NCSTN: variants seen among roughly 807,000 people sequenced by gnomAD.
NCSTN encodes anterior pharynx-defective 2.
A neutral mutation model predicts 87.0 loss-of-function variants in NCSTN; 22 were observed. The observed-to-expected ratio is 0.25, with a 90% CI of 0.18 to 0.36. The LOEUF (loss-of-function observed/expected upper bound fraction) is 0.36, where lower values mean the gene tolerates loss of function less well. NCSTN is among the 10% of genes least tolerant of loss of function. The pLI is 1.00. For synonymous variants in NCSTN, 306 were observed against 327.1 expected (o/e 0.94, Z 0.69); for missense variants, 693 against 883.3 (o/e 0.78, Z 2.73).
In NCSTN at chr1:160,356,631, C is replaced by A; in HGVS notation, c.1671C>A (p.Val557=). Residue 557 remains valine (V), a synonymous_variant, in exon 15 of 17, where the codon GTC becomes GTA. Coordinates refer to ENST00000294785, the MANE Select transcript of NCSTN (RefSeq NM_015331.3). ...GGCCTCTTCAACATTACATCGCTGT[C>A]TCCAGCCCCACCAACACCACTTATG... The part of the protein sequence containing the change: ...GDGPLQHYIA[V]SSPTNTTYVV... 6.2e-7 allele frequency: 1 copy of A among 1,614,232 alleles called. No individual in the cohort carries two copies. Among genetic ancestry groups the A allele is most frequent in the Non-Finnish European group, 8.5e-7 (1 of 1,180,040 alleles).
At chr1:160,349,346 T>C (rs775729393) in intron 3 of NCSTN, 30 of 662,180 alleles carry the variant, frequency 4.5e-5, no homozygotes, top group Non-Finnish European at 7.6e-5. Context: ...ATCCCTCCCC[T>C]CCCTCCCTGG....
rs1180821157 is a variant in NCSTN at position 160,351,384 on chromosome 1, C to T, written c.733+12C>T. 5 of 1,613,872 alleles carry T rather than the reference C, an allele frequency of 3.1e-6. No homozygotes were observed. Among genetic ancestry groups the T allele is most frequent in the Middle Eastern group, 1.7e-4 (1 of 6,040 alleles). ...CAGCATCAACCCAGGTAGGGCAGAT[C>T]CGAACCATGAGGGTAATGGAATAAG... On this transcript the variant is annotated intron_variant, in intron 6 of 16. Coordinates refer to ENST00000294785, the MANE Select transcript of NCSTN (RefSeq NM_015331.3).
intron 2 of NCSTN, chr1:160,345,039 T>A (rs1379899116): frequency 6.4e-6 from 4 of 622,404 alleles, no homozygotes; most frequent in Non-Finnish European, 1.2e-5. Context: ...GTGCATCTCA[T>A]ACAACCCCAA....
At chr1:160,344,460 G>A in intron 1 of NCSTN, 1 of 1,492,766 alleles carries the variant, frequency 6.7e-7, no homozygotes, top group Non-Finnish European at 8.9e-7. Context: ...CTTTGACCAA[G>A]TTTTCTCTCT....
At position 160,356,260 on chromosome 1, in the gene NCSTN, G is replaced by A. The variant is rs1281823612; in HGVS notation, c.1552G>A (p.Val518Ile). 3.1e-6 allele frequency: 5 copies of A among 1,609,336 alleles called. No homozygotes were observed. In the African/African-American group the frequency reaches 4.0e-5, roughly 13 times the overall value. ...TCTCTCTTTACTGTTCCAATCCTAG[G>A]TTACCCGCCTGCTCTATGGGTTCCT... ...SDTVQADPQT[V>I]TRLLYGFLIK... Residue 518 changes from valine (V) to isoleucine (I), a missense_variant and splice_region_variant, in exon 14 of 17, where the codon GTT (valine) becomes ATT (isoleucine). This residue lies in a region of NCSTN where 216 missense variants were observed against 311.7 expected (regional missense o/e 0.69). Coordinates refer to ENST00000294785, the MANE Select transcript of NCSTN (RefSeq NM_015331.3).
At chr1:160,346,578 C>A (rs1306826978) in intron 2 of NCSTN, among the ~76,000 whole-genome samples, 1 of 152,004 alleles carries the variant, frequency 6.6e-6, no homozygotes, top group African/African-American at 2.4e-5. Flanking sequence ...TTCCAAACAG[C>A]CCCAAATAAA....
intron 2 of NCSTN, among the ~76,000 whole-genome samples, chr1:160,347,835 C>T (rs1434464435): frequency 6.6e-6 from 1 of 152,230 alleles, no homozygotes; most frequent in Non-Finnish European, 1.5e-5. Context: ...GTCTCAAACT[C>T]CTGACCTCAA....
Position 160,344,747 on chromosome 1 carries a change from G to A in NCSTN, c.111G>A (p.Glu37=). 1 of 1,614,118 alleles carries A rather than the reference G, an allele frequency of 6.2e-7. No individual in the cohort carries two copies. The highest frequency in any genetic ancestry group is 8.5e-7 in the Non-Finnish European group (1 of 1,179,984). ...LAGLCRGNSV[E]RKIYIPLNKT... Reference sequence around the variant, plus strand: ...GTTTGTGCAGGGGAAACTCAGTGGAGAGGAAGATATATATCCCCTTAAATA... The same window carrying A: ...GTTTGTGCAGGGGAAACTCAGTGGAAAGGAAGATATATATCCCCTTAAATA... The change falls in exon 2 of 17, where the codon GAG becomes GAA. Residue 37 remains glutamate, a synonymous_variant. Transcript: ENST00000294785.
At chr1:160,353,378 A>C in intron 10 of NCSTN, 141 bp downstream of exon 10, 5 of 1,542,922 alleles carry the variant, frequency 3.2e-6, no homozygotes, top group Non-Finnish European at 3.5e-6. Flanking sequence ...CAAAGGATGA[A>C]CACCACAGCT....
intron 16 of NCSTN, 98 bp from the exon 17 acceptor site, chr1:160,358,051 C>G: frequency 6.6e-7 from 1 of 1,519,976 alleles, no homozygotes; most frequent in Non-Finnish European, 9.1e-7. Context: ...GAGCCAGCAT[C>G]CGAATTCCCA....
In NCSTN at chr1:160,343,457, C is replaced by G. The variant is rs199694056; in HGVS notation, c.61C>G (p.Leu21Val). ...DPGSRGLLRL[L>V]SFCVLLAGLC... ...GGGAAGTCGGGGTCTCCTTCGCCTT[C>G]TGTCTTTCTGCGTCCTACTAGCAGG... The change falls in exon 1 of 17, where the codon CTG becomes GTG. Residue 21 changes from leucine (L) to valine (V), a missense_variant. Physicochemically the swap from Leu to Val is conservative, Grantham distance 32 (BLOSUM62 1). Around this residue, in one of 4 missense-constraint regions of NCSTN, gnomAD observed 235 missense variants for 233.9 expected, o/e 1.00. Coordinates refer to ENST00000294785, the MANE Select transcript of NCSTN (RefSeq NM_015331.3). 6.2e-7 allele frequency: 1 copy of G among 1,611,066 alleles called. No homozygotes were observed. Among genetic ancestry groups the G allele is most frequent in the African/African-American group, 1.3e-5 (1 of 74,904 alleles).
At chr1:160,354,422 C>T in intron 11 of NCSTN, 132 bp downstream of exon 11, 1 of 1,003,332 alleles carries the variant, frequency 1.0e-6, no homozygotes, top group East Asian at 2.4e-5. Context: ...GTATTCTTTG[C>T]TCAGTGGCGT....
At position 160,349,545 on chromosome 1, in the gene NCSTN, C is replaced by T; in HGVS notation, c.315-4C>T. The T allele has an allele frequency of 6.2e-7, 1 of 1,614,128 alleles. No homozygotes were observed. The highest frequency in any genetic ancestry group is 8.5e-7 in the Non-Finnish European group (1 of 1,180,010). On this transcript the variant is annotated splice_polypyrimidine_tract_variant and splice_region_variant and intron_variant, in intron 3 of 16. Coordinates refer to ENST00000294785, the MANE Select transcript of NCSTN (RefSeq NM_015331.3). ...TCCTTCATGGAATTCCTTTCCTATT[C>T]CAGGGATTTAATGGAGAAGCTGAAA...
intron 15 of NCSTN, 39 bp downstream of exon 15, chr1:160,356,793 T>C (rs765091899): frequency 1.9e-6 from 3 of 1,612,404 alleles, no homozygotes; most frequent in East Asian, 4.5e-5. Context: ...CTGGGGCCCC[T>C]TTCCCTTGGG....
chr1:160,345,044 C>T (rs1446023126), intron 2 of NCSTN: 1 of 613,368 alleles, frequency 1.6e-6, no homozygotes, highest in Non-Finnish European at 2.9e-6. Flanking sequence ...TCTCATACAA[C>T]CCCAACCACA....
At position 160,358,280 on chromosome 1, in the gene NCSTN, C is replaced by T. The variant is rs201052803; in HGVS notation, c.*9C>T. On this transcript the variant is annotated 3_prime_UTR_variant, in exon 17 of 17. Transcript: ENST00000294785. ...GAGCTGTGTCATACTGAGGAGGACC[C>T]CAGCTTTTCTTGCCAGCTCAGCAGT... 68 of 1,613,920 alleles carry T rather than the reference C, an allele frequency of 4.2e-5. No homozygotes were observed. In the African/African-American group the frequency reaches 8.9e-4, roughly 21 times the overall value.
intron 3 of NCSTN, 108 bp from the exon 4 acceptor site, chr1:160,349,436 TAAGTC>T (rs767958473): frequency 7.1e-7 from 1 of 1,407,822 alleles, no homozygotes. Flanking sequence ...AGGGAAGAAA[TAAGTC>T]AACAGTTTGA....
intron 16 of NCSTN, 88 bp downstream of exon 16, chr1:160,357,341 T>C (rs1270174471): frequency 1.4e-5 from 19 of 1,328,468 alleles, no homozygotes; most frequent in Non-Finnish European, 1.9e-5. Context: ...CCATCTCCCA[T>C]TTGCCCCACA....
In NCSTN at chr1:160,357,099, C is replaced by G; in HGVS notation, c.1853C>G (p.Pro618Arg). ...PLHSNETDRL[P>R]RCVRSTARLA... The stretch of plus-strand genomic sequence containing the variant: ...CATTCTAATGAGACGGACCGACTCC[C>G]CCGGTGTGTGCGTTCTACTGCACGA... Residue 618 changes from proline (P) to arginine (R), a missense_variant, in exon 16 of 17, where the codon CCC becomes CGC. Pro to Arg is a moderately radical substitution (Grantham distance 103). This residue lies in a region of NCSTN where 216 missense variants were observed against 311.7 expected (regional missense o/e 0.69). Transcript: ENST00000294785. The G allele has an allele frequency of 6.2e-7, 1 of 1,614,102 alleles. No individual in the cohort carries two copies.
Sources: gnomAD v4.1 joint callset for allele counts (sites outside exome capture counted in the v4.1 genomes callset) on GRCh38, gnomAD v4.1.1 for gene constraint, gnomAD v4.1.1 regional missense constraint, MANE v1.5 for transcripts, NCBI Gene and HGNC (gene_info 2026-07-23, HGNC 2026-07-21) for gene names.